Variants in NKAIN2 observed in about 807,000 individuals in gnomAD.
NKAIN2 encodes sodium/potassium-transporting ATPase subunit beta-1-interacting protein 2.
In NKAIN2, 14 loss-of-function variants were observed where a neutral mutation model predicts 32.6. That is an observed-to-expected ratio of 0.43 (90% CI 0.28 to 0.67). The LOEUF is 0.67. NKAIN2 is among the 30% of genes least tolerant of loss of function. NKAIN2 has a pLI of 0.17. For synonymous variants in NKAIN2, 80 were observed against 87.2 expected (o/e 0.92, Z 0.46); for missense variants, 198 against 258.3 (o/e 0.77, Z 1.60).
At chr6:124,250,990 G>A (rs2114807954) in intron 1 of NKAIN2, among the ~76,000 whole-genome samples, 1 of 151,886 alleles carries the variant, frequency 6.6e-6, no homozygotes, top group Non-Finnish European at 1.5e-5. Context: ...AACAGCTAAA[G>A]TAATCACTAA....
intron 2 of NKAIN2, among the ~76,000 whole-genome samples, chr6:124,354,834 A>G (rs1050387561): frequency 3.4e-5 from 5 of 148,976 alleles, no homozygotes; most frequent in Admixed American, 6.7e-5. Context: ...CTATGAGTCC[A>G]TAACAGTAAG....
intron 3 of NKAIN2, among the ~76,000 whole-genome samples, chr6:124,495,880 G>A (rs1276202598): frequency 1.3e-5 from 2 of 152,042 alleles, no homozygotes; most frequent in Non-Finnish European, 2.9e-5. Flanking sequence ...CTCAGCAGTG[G>A]CCTTTTGAGA....
intron 3 of NKAIN2, among the ~76,000 whole-genome samples, chr6:124,502,427 G>A (rs149771671): frequency 1.4e-4 from 21 of 152,234 alleles, no homozygotes; most frequent in African/African-American, 4.6e-4. Context: ...AACCACTCAC[G>A]ATCAATTTCT....
chr6:124,391,923 T>C (rs1275210566), intron 3 of NKAIN2, among the ~76,000 whole-genome samples: 3 of 152,156 alleles, frequency 2.0e-5, no homozygotes, highest in African/African-American at 7.2e-5. Flanking sequence ...TCAGCACTTC[T>C]GGTTGTTTGT....
chr6:123,843,350 T>C (rs1774955974), intron 1 of NKAIN2, among the ~76,000 whole-genome samples: 1 of 152,138 alleles, frequency 6.6e-6, no homozygotes, highest in African/African-American at 2.4e-5. Context: ...AGCAAGAAGA[T>C]AATCTTCCCC....
intron 1 of NKAIN2, among the ~76,000 whole-genome samples, chr6:123,937,134 T>A (rs961571019): frequency 2.0e-5 from 3 of 152,100 alleles, no homozygotes; most frequent in African/African-American, 7.2e-5. Flanking sequence ...TGGAAATGTG[T>A]GTTATTAAGG....
intron 1 of NKAIN2, among the ~76,000 whole-genome samples, chr6:123,846,636 T>G (rs2114947133): frequency 6.6e-6 from 1 of 152,288 alleles, no homozygotes; most frequent in East Asian, 1.9e-4. Flanking sequence ...TAAAACTAGG[T>G]TGATAGAGAA....
chr6:123,887,794 C>A (rs1400337167), intron 1 of NKAIN2, among the ~76,000 whole-genome samples: 1 of 152,132 alleles, frequency 6.6e-6, no homozygotes. Context: ...GCCCTATTAT[C>A]TATCATTTCC....
chr6:124,787,067 C>A (rs1385937834), intron 4 of NKAIN2, among the ~76,000 whole-genome samples: 10 of 152,110 alleles, frequency 6.6e-5, no homozygotes, highest in African/African-American at 2.4e-4. Context: ...AGCCCTCCCA[C>A]CTCTCAAGGT....
intron 1 of NKAIN2, among the ~76,000 whole-genome samples, chr6:123,880,194 A>G (rs1773383775): frequency 6.6e-6 from 1 of 152,116 alleles, no homozygotes; most frequent in Admixed American, 6.5e-5. Flanking sequence ...TTAAAGGATA[A>G]AGCAGGAAAG....
intron 1 of NKAIN2, among the ~76,000 whole-genome samples, chr6:123,889,993 C>G (rs1355062069): frequency 6.6e-6 from 1 of 152,078 alleles, no homozygotes; most frequent in East Asian, 1.9e-4. Flanking sequence ...TGCCACTCAT[C>G]TGCATGTGTT....
At chr6:124,581,475 C>CATTG (rs1358705994) in intron 3 of NKAIN2, among the ~76,000 whole-genome samples, 2 of 136,894 alleles carry the variant, frequency 1.5e-5, no homozygotes, top group Admixed American at 1.5e-4. Flanking sequence ...AAAAAAGAAA[C>CATTG]ATTGGACTTA....
intron 1 of NKAIN2, among the ~76,000 whole-genome samples, chr6:123,962,012 C>A (rs1027756495): frequency 6.6e-6 from 1 of 152,030 alleles, no homozygotes; most frequent in Non-Finnish European, 1.5e-5. Flanking sequence ...TTTAGATGTT[C>A]ATCTTGTTAT....
intron 3 of NKAIN2, among the ~76,000 whole-genome samples, chr6:124,531,820 G>A (rs572931157): frequency 3.5e-4 from 54 of 152,208 alleles, no homozygotes; most frequent in South Asian, 1.7e-3. Context: ...ACAGGCATGC[G>A]CCACCATGCC....
At chr6:124,097,139 G>A (rs1425611113) in intron 1 of NKAIN2, among the ~76,000 whole-genome samples, 2 of 152,018 alleles carry the variant, frequency 1.3e-5, no homozygotes, top group Admixed American at 1.3e-4. Flanking sequence ...CTGAAATTTG[G>A]TGGCTCACAC....
Position 124,814,268 on chromosome 6 carries a change from GAGA to G in NKAIN2, c.536-4113_536-4111del, listed in dbSNP as rs1417653170. 6.6e-5 allele frequency among the ~76,000 whole-genome samples: 10 copies of G among 152,242 alleles called. No individual in the cohort carries two copies. In the East Asian group the frequency reaches 1.5e-3, roughly 24 times the overall value. ...TTAGGAAGACATCCAAACAATTTCTGAGAAGAAGTGCACATGGAAATTGACTGT... is the reference window on the plus strand; with the variant it reads ...TTAGGAAGACATCCAAACAATTTCTGAGAAGTGCACATGGAAATTGACTGT... On this transcript the variant is annotated intron_variant, in intron 5 of 6. Coordinates refer to ENST00000368417, the MANE Select transcript of NKAIN2 (RefSeq NM_001040214.3).
intron 1 of NKAIN2, among the ~76,000 whole-genome samples, chr6:124,268,721 T>TTA (rs535973202): frequency 9.1e-4 from 138 of 151,144 alleles, no homozygotes; most frequent in Non-Finnish European, 1.7e-3. Context: ...CATATATATT[T>TTA]TATATATATA....
intron 1 of NKAIN2, among the ~76,000 whole-genome samples, chr6:123,883,986 G>T (rs1043006281): frequency 5.9e-5 from 9 of 151,488 alleles, no homozygotes; most frequent in African/African-American, 2.2e-4. Context: ...AAGTTCAGGG[G>T]TACAAGTGCA....
chr6:124,651,617 C>A (rs1784371283), intron 3 of NKAIN2, among the ~76,000 whole-genome samples: 1 of 152,074 alleles, frequency 6.6e-6, no homozygotes, highest in Admixed American at 6.5e-5. Flanking sequence ...GCTGCTTAAG[C>A]CACAGCTGTG....
Sources: allele counts gnomAD v4.1 joint callset (sites outside exome capture counted in the v4.1 genomes callset), GRCh38; gene constraint gnomAD v4.1.1; transcripts MANE v1.5; gene names NCBI Gene and HGNC (gene_info 2026-07-23, HGNC 2026-07-21).